The following PTCHD4 variants were observed in gnomAD, a reference collection of about 807,000 sequenced individuals.
PTCHD4 encodes patched domain-containing protein 4.
PTCHD4 carries 33 observed loss-of-function variants against 58.1 expected under a neutral mutation model. The observed-to-expected ratio is 0.57, with a 90% confidence interval of 0.43 to 0.76. The LOEUF is 0.76. Ranked by LOEUF, PTCHD4 falls within the 30% of genes least tolerant of loss-of-function variation. The pLI is 0.00. For missense variants in PTCHD4, 1,058 were observed against 1,027.1 expected (o/e 1.03, Z -0.41); for synonymous variants, 478 against 409.6 (o/e 1.17, Z -2.02).
At chr6:48,107,181 T>C (rs373864878) in intron 1 of PTCHD4, among the ~76,000 whole-genome samples, 18 of 152,154 alleles carry the variant, frequency 1.2e-4, no homozygotes, top group South Asian at 1.0e-3. Context: ...GGAGGCATCA[T>C]GCTACCTGAC....
intron 3 of PTCHD4, among the ~76,000 whole-genome samples, chr6:48,041,718 T>A (rs1763855324): frequency 6.6e-6 from 1 of 151,942 alleles, no homozygotes; most frequent in African/African-American, 2.4e-5. Flanking sequence ...GGTCATGCAT[T>A]TTTTTGTTTT....
intron 4 of PTCHD4, among the ~76,000 whole-genome samples, chr6:47,897,911 T>G (rs1764573137): frequency 6.6e-6 from 1 of 151,424 alleles, no homozygotes; most frequent in South Asian, 2.1e-4. Flanking sequence ...ATATCTGTTA[T>G]CATTTCATCC....
At chr6:48,004,750 C>G (rs1379588417) in intron 4 of PTCHD4, among the ~76,000 whole-genome samples, 2 of 152,234 alleles carry the variant, frequency 1.3e-5, no homozygotes, top group African/African-American at 4.8e-5. Context: ...AACCCCATCT[C>G]TACTAAAAAT....
At chr6:48,006,321 C>A (rs770017333) in intron 4 of PTCHD4, among the ~76,000 whole-genome samples, 1 of 152,146 alleles carries the variant, frequency 6.6e-6, no homozygotes, top group South Asian at 2.1e-4. Flanking sequence ...AAATACCTCT[C>A]GGGCTTCACA....
At chr6:47,990,523 G>A (rs745320854) in intron 4 of PTCHD4, among the ~76,000 whole-genome samples, 1 of 152,134 alleles carries the variant, frequency 6.6e-6, no homozygotes, top group Admixed American at 6.5e-5. Context: ...TACTGAATAA[G>A]TCTCATGAGA....
intron 1 of PTCHD4, among the ~76,000 whole-genome samples, chr6:48,080,912 T>C (rs1765154723): frequency 6.6e-6 from 1 of 152,204 alleles, no homozygotes; most frequent in Non-Finnish European, 1.5e-5. Context: ...CCTTTCTTGT[T>C]TTTAGCATTG....
chr6:48,074,733 G>A (rs1434420403), intron 1 of PTCHD4, among the ~76,000 whole-genome samples: 3 of 152,120 alleles, frequency 2.0e-5, no homozygotes, highest in Non-Finnish European at 2.9e-5. Flanking sequence ...AAGATGTTGG[G>A]GATGTTTGGG....
At chr6:48,007,212 C>T (rs181142397) in intron 4 of PTCHD4, among the ~76,000 whole-genome samples, 24 of 152,118 alleles carry the variant, frequency 1.6e-4, no homozygotes, top group Admixed American at 1.4e-3. Flanking sequence ...TGCACTCCAG[C>T]CTGGAAGACA....
rs962966228 is a variant in PTCHD4 at position 47,859,247 on chromosome 6, G to T, written c.*19056C>A. Among the ~76,000 whole-genome samples the T allele has an allele frequency of 6.6e-6, 1 of 151,964 alleles. No homozygotes were observed. Among genetic ancestry groups the T allele is most frequent in the African/African-American group, 2.4e-5 (1 of 41,410 alleles). ...TGGCTGCCATGATAATCTTTCACTT[G>T]TTCAGCAGTATTTCTTTTTCTTTCC... On this transcript the variant is annotated 3_prime_UTR_variant, in exon 5 of 5. Transcript: ENST00000339488.
intron 4 of PTCHD4, among the ~76,000 whole-genome samples, chr6:47,962,709 A>T (rs1321357574): frequency 1.3e-5 from 2 of 151,788 alleles, no homozygotes; most frequent in South Asian, 2.1e-4. Context: ...AGTCAATTAA[A>T]CCTCTTTTCT....
At position 48,011,173 on chromosome 6, in the gene PTCHD4, G is replaced by C. The variant is rs569165901; in HGVS notation, c.418-2059C>G. Among the ~76,000 whole-genome samples the C allele has an allele frequency of 2.6e-5, 4 of 152,186 alleles. No homozygotes were observed. The East Asian group carries it at 7.8e-4, about 30-fold the overall frequency. On this transcript the variant is annotated intron_variant, in intron 3 of 4. Transcript: ENST00000339488. ...CGCCACACTGTCTTCCACAATGGTT[G>C]AACTAATTTACACTCCCACCAACAG...
chr6:48,009,763 C>T (rs753171617), intron 3 of PTCHD4, among the ~76,000 whole-genome samples: 1 of 152,220 alleles, frequency 6.6e-6, no homozygotes, highest in Non-Finnish European at 1.5e-5. Flanking sequence ...AATGCTCTCT[C>T]CAAACACCTG....
At chr6:48,080,471 C>G (rs112874031) in intron 1 of PTCHD4, among the ~76,000 whole-genome samples, 41 of 152,172 alleles carry the variant, frequency 2.7e-4, no homozygotes, top group African/African-American at 9.2e-4. Context: ...CTTTGCTGAG[C>G]AGCTGTAAAA....
At chr6:48,106,343 A>T (rs138819987) in intron 1 of PTCHD4, among the ~76,000 whole-genome samples, 4 of 152,188 alleles carry the variant, frequency 2.6e-5, no homozygotes, top group African/African-American at 9.7e-5. Context: ...AGAAACAAAG[A>T]CACAAACCAC....
At chr6:48,052,714 A>T (rs984436341) in intron 3 of PTCHD4, among the ~76,000 whole-genome samples, 1 of 152,070 alleles carries the variant, frequency 6.6e-6, no homozygotes, top group African/African-American at 2.4e-5. Context: ...TTTCTGTCAA[A>T]GACAGAGTAT....
chr6:47,939,265 A>G (rs896451292), intron 4 of PTCHD4, among the ~76,000 whole-genome samples: 2 of 152,142 alleles, frequency 1.3e-5, no homozygotes, highest in African/African-American at 4.8e-5. Context: ...CAGATTACTA[A>G]ACCCTACTAC....
Position 47,858,286 on chromosome 6 carries a change from C to G in PTCHD4, c.*20017G>C, listed in dbSNP as rs995881356. On this transcript the variant is annotated 3_prime_UTR_variant, in exon 5 of 5. Transcript: ENST00000339488. ...AGAAGAAAATCTGATTTGAGTTTAT[C>G]ATATTCACCTTACTCCATTAATAAA... Among the ~76,000 whole-genome samples the G allele has an allele frequency of 1.3e-5, 2 of 151,978 alleles. No individual in the cohort carries two copies. The highest frequency in any genetic ancestry group is 2.9e-5 in the Non-Finnish European group (2 of 67,940).
At chr6:48,085,171 C>T (rs1184714554) in intron 1 of PTCHD4, among the ~76,000 whole-genome samples, 1 of 152,016 alleles carries the variant, frequency 6.6e-6, no homozygotes, top group African/African-American at 2.4e-5. Flanking sequence ...ACAATGGATT[C>T]AAATATTTTC....
At position 47,869,364 on chromosome 6, in the gene PTCHD4, T is replaced by A. The variant is rs1347159265; in HGVS notation, c.*8939A>T. ...TCATTGTCTCCATCTTCTGCAGCTC[T>A]CATATGGTGAGAAAAATGTTGGTTC... On this transcript the variant is annotated 3_prime_UTR_variant, in exon 5 of 5. Coordinates refer to ENST00000339488, the MANE Select transcript of PTCHD4 (RefSeq NM_001384253.1). Among the ~76,000 whole-genome samples, 1 of 151,762 alleles carries A rather than the reference T, an allele frequency of 6.6e-6. No individual in the cohort carries two copies. The highest frequency in any genetic ancestry group is 1.5e-5 in the Non-Finnish European group (1 of 67,802).
Sources: allele counts gnomAD v4.1 joint callset (sites outside exome capture counted in the v4.1 genomes callset), GRCh38; gene constraint gnomAD v4.1.1; transcripts MANE v1.5; gene names NCBI Gene and HGNC (gene_info 2026-07-23, HGNC 2026-07-21).